Variants in ASIC2 observed in about 807,000 individuals in gnomAD.
ASIC2 encodes acid sensing ion channel subunit 2, also known as acid-sensing ion channel 2.
A neutral mutation model predicts 57.3 loss-of-function variants in ASIC2; 25 were observed. The observed-to-expected ratio is 0.44, with a 90% CI of 0.32 to 0.61. The LOEUF (loss-of-function observed/expected upper bound fraction) is 0.61. ASIC2 is among the 20% of genes least tolerant of loss of function. The pLI is 0.06. For synonymous variants in ASIC2, 319 were observed against 307.5 expected, an observed-to-expected ratio of 1.04 and a Z score of -0.39; for missense variants, 641 against 738.1, an observed-to-expected ratio of 0.87 and a Z score of 1.52.
intron 1 of ASIC2, among the ~76,000 whole-genome samples, chr17:33,744,992 T>C (rs1910217610): frequency 6.6e-6 from 1 of 152,098 alleles, no homozygotes; most frequent in Non-Finnish European, 1.5e-5. Flanking sequence ...TCAACAGAGA[T>C]TATTCAATCC....
intron 1 of ASIC2, among the ~76,000 whole-genome samples, chr17:33,996,605 AC>A (rs1488059233): frequency 6.6e-6 from 1 of 152,198 alleles, no homozygotes; most frequent in Non-Finnish European, 1.5e-5. Flanking sequence ...CTGGGAAAGA[AC>A]AAAGACTGTC....
intron 1 of ASIC2, among the ~76,000 whole-genome samples, chr17:33,459,303 G>A (rs1597735314): frequency 6.6e-6 from 1 of 152,004 alleles, no homozygotes; most frequent in Non-Finnish European, 1.5e-5. Flanking sequence ...TGTGGTTGCC[G>A]AGTACTGTGT....
At chr17:33,712,809 C>A (rs1248373558) in intron 1 of ASIC2, among the ~76,000 whole-genome samples, 2 of 151,240 alleles carry the variant, frequency 1.3e-5, no homozygotes. Context: ...CTACGCCCGG[C>A]TAATTTTTTG....
At chr17:34,041,451 C>A (rs1052775005) in intron 1 of ASIC2, 1 of 152,078 alleles carries the variant, frequency 6.6e-6, no homozygotes, top group African/African-American at 2.4e-5. Context: ...GAGACAAGGT[C>A]GTGAAATAGA....
chr17:34,127,701 C>T (rs1382854139), intron 1 of ASIC2, among the ~76,000 whole-genome samples: 1 of 152,212 alleles, frequency 6.6e-6, no homozygotes, highest in Admixed American at 6.5e-5. Context: ...ACGGATGCAA[C>T]AGCTCCAGGG....
chr17:33,145,434 T>C (rs573089494), intron 1 of ASIC2, among the ~76,000 whole-genome samples: 1 of 152,360 alleles, frequency 6.6e-6, no homozygotes, highest in Admixed American at 6.5e-5. Context: ...ACCTCCCGAC[T>C]AGATCGTAGT....
intron 1 of ASIC2, among the ~76,000 whole-genome samples, chr17:33,282,479 G>GTGTGCT (rs1555592665): frequency 0.018 from 2,719 of 147,024 alleles, 52 homozygotes; most frequent in African/African-American, 0.048. Flanking sequence ...GTGTGTGCTT[G>GTGTGCT]TGTGTGTGTG....
chr17:33,390,529 G>T (rs541568892), intron 1 of ASIC2, among the ~76,000 whole-genome samples: 1 of 152,154 alleles, frequency 6.6e-6, no homozygotes, highest in East Asian at 1.9e-4. Flanking sequence ...ATCCAGAAAT[G>T]GCTTAGTTTG....
chr17:33,060,413 T>C lies in ASIC2; in HGVS notation c.987+28450A>G, dbSNP rs146479156. ...AGTTTTCCCAGCACCGTTTGTTGAA[T>C]AGGGAATCCTTTCCCCATTTTTTGT... On this transcript the variant is annotated intron_variant, in intron 3 of 9. Coordinates refer to ENST00000225823, the MANE Select transcript of ASIC2 (RefSeq NM_183377.2). Among the ~76,000 whole-genome samples, 1,000 of 152,344 alleles carry C rather than the reference T, an allele frequency of 6.6e-3. 5 individuals carry two copies. The highest frequency in any genetic ancestry group is 0.023 in the African/African-American group (949 of 41,576).
chr17:33,422,059 A>G (rs992214668), intron 1 of ASIC2, among the ~76,000 whole-genome samples: 1 of 152,182 alleles, frequency 6.6e-6, no homozygotes, highest in Non-Finnish European at 1.5e-5. Flanking sequence ...TAGCACTTCA[A>G]CATCTTTCTT....
chr17:33,914,678 A>G (rs1915546849), intron 1 of ASIC2, among the ~76,000 whole-genome samples: 1 of 152,218 alleles, frequency 6.6e-6, no homozygotes, highest in Admixed American at 6.5e-5. Flanking sequence ...TCAAGGTTAC[A>G]CAGACTGTAT....
intron 1 of ASIC2, among the ~76,000 whole-genome samples, chr17:33,165,082 T>C (rs1905268436): frequency 1.3e-5 from 2 of 152,344 alleles, no homozygotes; most frequent in African/African-American, 4.8e-5. Context: ...ATCCCTAGCA[T>C]AGAACCTGGA....
intron 1 of ASIC2, among the ~76,000 whole-genome samples, chr17:34,027,060 T>TGAAATATTAGTAAGAATTCTG: frequency 6.6e-6 from 1 of 152,174 alleles, no homozygotes. Context: ...AACACTCCAA[T>TGAAATATTAGTAAGAATTCTG]GAAATATTAG....
intron 1 of ASIC2, among the ~76,000 whole-genome samples, chr17:33,480,536 A>G (rs2141926480): frequency 6.6e-6 from 1 of 152,272 alleles, no homozygotes; most frequent in South Asian, 2.1e-4. Context: ...GGGAAGCCAG[A>G]AAGCAAGAAA....
intron 1 of ASIC2, among the ~76,000 whole-genome samples, chr17:33,911,871 T>C (rs1915473556): frequency 1.3e-5 from 2 of 152,086 alleles, no homozygotes; most frequent in African/African-American, 4.8e-5. Flanking sequence ...CCGGGTGTGG[T>C]AGCTCACACC....
chr17:33,643,310 A>C (rs1183175072), intron 1 of ASIC2, among the ~76,000 whole-genome samples: 2 of 152,244 alleles, frequency 1.3e-5, no homozygotes, highest in Non-Finnish European at 2.9e-5. Context: ...CATATGTGTA[A>C]CTTAAAAATA....
intron 1 of ASIC2, among the ~76,000 whole-genome samples, chr17:33,817,787 G>A (rs1182887837): frequency 1.3e-5 from 2 of 152,076 alleles, no homozygotes; most frequent in Middle Eastern, 3.2e-3. Context: ...GCTCAGCAGG[G>A]ACAGCTCATT....
Position 33,091,487 on chromosome 17 carries a change from TAC to T in ASIC2, c.860-2499_860-2498del, listed in dbSNP as rs2092157517. ...CTATACAACCAAGCTTAAGAAATCT[TAC>T]AGCCAGTAAGACAGGCTCAAAAGAG... On this transcript the variant is annotated intron_variant, in intron 2 of 9. Coordinates refer to ENST00000225823, the MANE Select transcript of ASIC2 (RefSeq NM_183377.2). Among the ~76,000 whole-genome samples the T allele has an allele frequency of 3.9e-5, 6 of 152,150 alleles. No individual in the cohort carries two copies. In the South Asian group the frequency reaches 1.2e-3, roughly 32 times the overall value.
At chr17:34,016,822 G>A (rs970298330) in intron 1 of ASIC2, among the ~76,000 whole-genome samples, 2 of 152,080 alleles carry the variant, frequency 1.3e-5, no homozygotes, top group Non-Finnish European at 2.9e-5. Context: ...TTAAACAATC[G>A]GAAGGATAGA....
Sources: allele counts gnomAD v4.1 joint callset (sites outside exome capture counted in the v4.1 genomes callset), GRCh38; gene constraint gnomAD v4.1.1; transcripts MANE v1.5; gene names NCBI Gene and HGNC (gene_info 2026-07-23, HGNC 2026-07-21).